EDIL3: variants seen among roughly 807,000 people sequenced by gnomAD.
EDIL3 encodes the protein EGF-like repeat and discoidin I-like domain-containing protein 3.
Under a neutral mutation model 67.4 loss-of-function variants are expected in EDIL3, and 37 were observed. That is an observed-to-expected ratio of 0.55 (90% CI 0.42 to 0.72). The LOEUF (loss-of-function observed/expected upper bound fraction) is 0.72, where lower values mean the gene tolerates loss of function less well. Among genes scored for constraint, EDIL3 ranks in the 30% least tolerant of loss-of-function variants. The probability of loss-of-function intolerance (pLI) is 0.00; values close to 1 mark genes in which losing one functional copy is unlikely to be tolerated. For synonymous variants in EDIL3, 195 were observed against 196.3 expected (o/e 0.99, Z 0.05); for missense variants, 527 against 586.3 (o/e 0.90, Z 1.04).
chr5:84,351,306 A>G (rs971337119), intron 1 of EDIL3, among the ~76,000 whole-genome samples: 1 of 152,130 alleles, frequency 6.6e-6, no homozygotes. Flanking sequence ...CAAAATCTAT[A>G]TACAAGCTTT....
intron 3 of EDIL3, among the ~76,000 whole-genome samples, chr5:84,206,727 C>T (rs1743987644): frequency 6.6e-6 from 1 of 152,022 alleles, no homozygotes; most frequent in Non-Finnish European, 1.5e-5. Context: ...CCCTGGGATG[C>T]AAGACTGGTT....
intron 3 of EDIL3, among the ~76,000 whole-genome samples, chr5:84,189,993 ATTAAG>A (rs1261529069): frequency 6.6e-6 from 1 of 152,024 alleles, no homozygotes; most frequent in Non-Finnish European, 1.5e-5. Flanking sequence ...ACCATATGAA[ATTAAG>A]TTATCATTTT....
chr5:83,984,537 C>T (rs560434059), intron 9 of EDIL3, among the ~76,000 whole-genome samples: 14 of 152,136 alleles, frequency 9.2e-5, no homozygotes, highest in Middle Eastern at 3.4e-3. Flanking sequence ...AAGCTACATA[C>T]GGTGACAAAG....
At chr5:84,035,158 T>C (rs1044796035) in intron 9 of EDIL3, among the ~76,000 whole-genome samples, 3 of 151,964 alleles carry the variant, frequency 2.0e-5, no homozygotes, top group East Asian at 1.9e-4. Context: ...AAATAATTCA[T>C]TGGAGTATAT....
chr5:84,233,751 T>C (rs1744627187), intron 2 of EDIL3, among the ~76,000 whole-genome samples: 1 of 152,130 alleles, frequency 6.6e-6, no homozygotes, highest in African/African-American at 2.4e-5. Flanking sequence ...AAAGGCCTCC[T>C]CACTCTTCTC....
At chr5:84,094,476 G>C (rs1445421902) in intron 6 of EDIL3, among the ~76,000 whole-genome samples, 3 of 151,896 alleles carry the variant, frequency 2.0e-5, no homozygotes, top group Admixed American at 6.6e-5. Flanking sequence ...TAGATTGTAT[G>C]TAATTCAGCT....
At chr5:84,185,512 G>A (rs1158610291) in intron 3 of EDIL3, among the ~76,000 whole-genome samples, 2 of 152,086 alleles carry the variant, frequency 1.3e-5, no homozygotes, top group African/African-American at 2.4e-5. Flanking sequence ...AAGACTTAAC[G>A]TTGGCACACA....
chr5:83,969,175 T>G (rs535045350), intron 9 of EDIL3, among the ~76,000 whole-genome samples: 12 of 151,926 alleles, frequency 7.9e-5, no homozygotes, highest in African/African-American at 2.9e-4. Flanking sequence ...ATTTTCAATA[T>G]ATATGTACTT....
chr5:84,235,040 T>G (rs1209815148), intron 2 of EDIL3, among the ~76,000 whole-genome samples: 1 of 152,136 alleles, frequency 6.6e-6, no homozygotes, highest in Non-Finnish European at 1.5e-5. Flanking sequence ...TATTTAAATT[T>G]GTGAACTCAG....
At chr5:84,182,382 G>C (rs993747219) in intron 3 of EDIL3, among the ~76,000 whole-genome samples, 4 of 151,888 alleles carry the variant, frequency 2.6e-5, no homozygotes, top group African/African-American at 9.7e-5. Context: ...CTTGAGCCTA[G>C]GAGGTTGAGG....
At chr5:84,099,941 A>G (rs1310053738) in intron 6 of EDIL3, among the ~76,000 whole-genome samples, 1 of 152,220 alleles carries the variant, frequency 6.6e-6, no homozygotes, top group Non-Finnish European at 1.5e-5. Flanking sequence ...TTCTCAGAAG[A>G]AGACATTTGT....
At chr5:84,305,226 T>G (rs1276080216) in intron 1 of EDIL3, among the ~76,000 whole-genome samples, 1 of 152,224 alleles carries the variant, frequency 6.6e-6, no homozygotes, top group East Asian at 1.9e-4. Flanking sequence ...TAAATGCTAT[T>G]AACACTTTTT....
intron 1 of EDIL3, among the ~76,000 whole-genome samples, chr5:84,332,904 G>A (rs1365686640): frequency 6.6e-6 from 1 of 152,190 alleles, no homozygotes; most frequent in Non-Finnish European, 1.5e-5. Context: ...TTGAGATTGA[G>A]AGACATTAGT....
chr5:84,164,083 C>T (rs1748660054), intron 4 of EDIL3, among the ~76,000 whole-genome samples: 1 of 152,036 alleles, frequency 6.6e-6, no homozygotes, highest in Admixed American at 6.6e-5. Flanking sequence ...TATGCAGATA[C>T]AACTGAGAGG....
intron 1 of EDIL3, among the ~76,000 whole-genome samples, chr5:84,320,354 T>G (rs1746610489): frequency 6.6e-6 from 1 of 152,018 alleles, no homozygotes; most frequent in Non-Finnish European, 1.5e-5. Context: ...ACTAAAAGAT[T>G]GTTAGAAAAG....
At chr5:84,363,235 G>A (rs1398528970) in intron 1 of EDIL3, among the ~76,000 whole-genome samples, 1 of 151,918 alleles carries the variant, frequency 6.6e-6, no homozygotes, top group Non-Finnish European at 1.5e-5. Flanking sequence ...GAGGCAGGTC[G>A]ATCAGGAGGT....
intron 10 of EDIL3, among the ~76,000 whole-genome samples, chr5:83,952,243 T>C (rs1393729279): frequency 6.6e-6 from 1 of 151,770 alleles, no homozygotes; most frequent in Non-Finnish European, 1.5e-5. Flanking sequence ...TTCCCCAAGC[T>C]TGCTGTCATT....
At chr5:84,284,416 T>A (rs548219862) in intron 1 of EDIL3, among the ~76,000 whole-genome samples, 1 of 152,150 alleles carries the variant, frequency 6.6e-6, no homozygotes, top group Admixed American at 6.6e-5. Context: ...ACTTGTCCTA[T>A]TTACTGGTCC....
Position 84,064,617 on chromosome 5 carries a change from T to C in EDIL3, c.952+83A>G, listed in dbSNP as rs970720298. ...AAAAAAATTTCTATGGTTGTTGAAT[T>C]TGTAGGTTAGTAACAGGCTACATAC... On this transcript the variant is annotated intron_variant, in intron 8 of 10. Transcript: ENST00000296591. 4.1e-6 allele frequency: 6 copies of C among 1,457,256 alleles called. No individual in the cohort carries two copies. In the African/African-American group the frequency reaches 7.2e-5, roughly 17 times the overall value. 90.3% of individuals were successfully genotyped at this position (1,457,256 alleles called of 1,614,324 possible).
Sources: allele counts gnomAD v4.1 joint callset (sites outside exome capture counted in the v4.1 genomes callset), GRCh38; gene constraint gnomAD v4.1.1; transcripts MANE v1.5; gene names NCBI Gene and HGNC (gene_info 2026-07-23, HGNC 2026-07-21).